Variants in QRSL1 observed in about 807,000 individuals in gnomAD.
QRSL1 encodes the protein glutamyl-tRNA(Gln) amidotransferase subunit A, mitochondrial.
Under a neutral mutation model 61.6 loss-of-function variants are expected in QRSL1, and 54 were observed. The ratio of observed to expected loss-of-function variants is 0.88; its 90% CI spans 0.70 to 1.10. The LOEUF is 1.10. Among genes scored for constraint, QRSL1 ranks in the 50% least tolerant of loss-of-function variants. The probability of loss-of-function intolerance (pLI) is 0.00; values close to 1 mark genes in which losing one functional copy is unlikely to be tolerated. For missense variants in QRSL1, 505 were observed against 622.6 expected (o/e 0.81, Z 2.01); for synonymous variants, 228 against 225.7 (o/e 1.01, Z -0.09).
At chr6:106,640,760 G>A in intron 2 of QRSL1, 63 bp from the exon 3 acceptor site, 1 of 1,363,352 alleles carries the variant, frequency 7.3e-7, no homozygotes, top group Non-Finnish European at 1.0e-6. Context: ...GTAATAACAT[G>A]TATTCATGTA....
intron 3 of QRSL1, 23 bp from the exon 4 acceptor site, chr6:106,642,971 A>T (rs375371976): frequency 2.7e-6 from 4 of 1,490,810 alleles, no homozygotes; most frequent in Non-Finnish European, 3.7e-6. Context: ...TAAAAAAAAT[A>T]ATAGTAACTA....
rs760043022 is a variant in QRSL1 at position 106,665,769 on chromosome 6, C to T, written c.1367-13C>T. On this transcript the variant is annotated splice_polypyrimidine_tract_variant and intron_variant, in intron 10 of 10. Coordinates refer to ENST00000369046, the MANE Select transcript of QRSL1 (RefSeq NM_018292.5). ...GAGAATTAATCACCTACTGGGTTTC[C>T]TTCTTTTCCCAGGATTGCCAGCAGT... is the stretch of plus-strand genomic sequence containing the variant. 1 of 1,612,272 alleles carries T rather than the reference C, an allele frequency of 6.2e-7. No homozygotes were observed. Among genetic ancestry groups the T allele is most frequent in the South Asian group, 1.1e-5 (1 of 91,032 alleles).
intron 1 of QRSL1, among the ~76,000 whole-genome samples, chr6:106,637,071 T>C (rs886663880): frequency 6.6e-6 from 1 of 152,244 alleles, no homozygotes; most frequent in Admixed American, 6.5e-5. Context: ...AAGGTGTTGC[T>C]AGGGCTAGAG....
chr6:106,642,575 A>G (rs1777038654), intron 3 of QRSL1: 1 of 741,230 alleles, frequency 1.3e-6, no homozygotes, highest in South Asian at 1.4e-5. Context: ...TGATGTGGAC[A>G]TCAAGGGAAT....
chr6:106,657,162 G>A (rs555207886), intron 9 of QRSL1, among the ~76,000 whole-genome samples: 4 of 152,102 alleles, frequency 2.6e-5, no homozygotes, highest in African/African-American at 7.2e-5. Flanking sequence ...CCAGCAACTC[G>A]AGAGACTGAG....
intron 9 of QRSL1, among the ~76,000 whole-genome samples, chr6:106,660,105 A>C (rs1777332316): frequency 1.4e-5 from 2 of 147,192 alleles, no homozygotes; most frequent in Admixed American, 6.8e-5. Flanking sequence ...CTTACCCCCC[A>C]CCCCACATAC....
chr6:106,639,755 T>C (rs2114701934), intron 1 of QRSL1, among the ~76,000 whole-genome samples: 1 of 152,300 alleles, frequency 6.6e-6, no homozygotes, highest in African/African-American at 2.4e-5. Flanking sequence ...GCAGTTTTTT[T>C]TTAACTCCTT....
At position 106,648,558 on chromosome 6, in the gene QRSL1, T is replaced by C. The variant is rs892368822; in HGVS notation, c.381-467T>C. ...ATAAAATGTTGACCGTAGGTATGTC[T>C]GGGTAAAGGGTATAAAGTGCTTTAT... On this transcript the variant is annotated intron_variant, in intron 4 of 10. Transcript: ENST00000369046. Among the ~76,000 whole-genome samples the C allele has an allele frequency of 3.3e-5, 5 of 152,328 alleles. No individual in the cohort carries two copies. In the South Asian group the frequency reaches 6.2e-4, roughly 19 times the overall value.
chr6:106,666,091 A>T lies in QRSL1; in HGVS notation c.*89A>T. 9.9e-7 allele frequency: 1 copy of T among 1,009,770 alleles called. No homozygotes were observed. The highest frequency in any genetic ancestry group is 1.5e-6 in the Non-Finnish European group (1 of 655,652). The allele number at this position is 1,009,770 out of a possible 1,614,324, so 62.6% of individuals were successfully genotyped here. A position where few individuals can be genotyped will look rare whatever the true frequency, so the allele number is the denominator to read the frequency against. On this transcript the variant is annotated 3_prime_UTR_variant, in exon 11 of 11. Transcript: ENST00000369046. ...CACTTTGGGAGGCCAAGGCGAGCGG[A>T]TCATGAGGTCAGAAGATCTAGAACA...
chr6:106,639,116 G>GTTTTTTTTT lies in QRSL1; in HGVS notation c.25-1231_25-1230insTTTTTTTTT, dbSNP rs1554200732. Among the ~76,000 whole-genome samples, 278 of 54,326 alleles carry GTTTTTTTTT rather than the reference G, an allele frequency of 5.1e-3. 20 individuals are homozygous for GTTTTTTTTT. The highest frequency in any genetic ancestry group is 0.026 in the East Asian group (66 of 2,518). The allele number at this position is 54,326 out of a possible 152,430, so 35.6% of individuals were successfully genotyped here. ...ACTTGTGTGGTTATTTGTGTGTTTT[G>GTTTTTTTTT]TTGTTTTTTTTTTTTTTTTTTTTTT... On this transcript the variant is annotated intron_variant, in intron 1 of 10. Transcript: ENST00000369046.
chr6:106,667,597 C>T lies in QRSL1; in HGVS notation c.*1595C>T, dbSNP rs375282647. The stretch of plus-strand genomic sequence containing the variant: ...AGAGAAAATAATGAGTCAGAATCAT[C>T]TGCAGAACCACTGGAATGTTTCATC... On this transcript the variant is annotated 3_prime_UTR_variant, in exon 11 of 11. Coordinates refer to ENST00000369046, the MANE Select transcript of QRSL1 (RefSeq NM_018292.5). 9.9e-5 allele frequency: 15 copies of T among 152,204 alleles called. No individual in the cohort carries two copies. In the East Asian group the frequency reaches 2.1e-3, roughly 22 times the overall value. 9.4% of individuals were successfully genotyped at this position (152,204 alleles called of 1,614,324 possible). A position where few individuals can be genotyped will look rare whatever the true frequency, so the allele number is the denominator to read the frequency against.
At position 106,663,147 on chromosome 6, in the gene QRSL1, C is replaced by T. The variant is rs1391907736; in HGVS notation, c.1328C>T (p.Ala443Val). ...AAAGAGGACAACAGAACCCGAAGTG[C>T]CCAGGATGATATTTTTACACAAGCT... ...FIKEDNRTRSAQDDIFTQAVN... is the reference protein window; with the variant it reads ...FIKEDNRTRSVQDDIFTQAVN... Residue 443 changes from alanine to valine, a missense_variant, in exon 10 of 11, where the codon GCC becomes GTC. Transcript: ENST00000369046. The T allele has an allele frequency of 6.2e-7, 1 of 1,613,992 alleles. No homozygotes were observed. The highest frequency in any genetic ancestry group is 8.5e-7 in the Non-Finnish European group (1 of 1,180,006).
chr6:106,653,716 T>C (rs990406743), intron 7 of QRSL1: 2 of 150,564 alleles, frequency 1.3e-5, no homozygotes, highest in Non-Finnish European at 2.9e-5. Context: ...CCTAGCTGTT[T>C]GGGAGGCTGA....
At chr6:106,658,680 G>GT (rs1165730728) in intron 9 of QRSL1, among the ~76,000 whole-genome samples, 11 of 152,220 alleles carry the variant, frequency 7.2e-5, no homozygotes, top group African/African-American at 2.6e-4. Flanking sequence ...TGTATATGAT[G>GT]TATCTTTTTT....
intron 10 of QRSL1, among the ~76,000 whole-genome samples, chr6:106,665,234 T>C (rs1057037346): frequency 1.2e-4 from 19 of 152,242 alleles, no homozygotes; most frequent in African/African-American, 4.3e-4. Flanking sequence ...TACCCTGAGC[T>C]AATTTCTCAT....
At chr6:106,665,696 G>T in intron 10 of QRSL1, 86 bp from the exon 11 acceptor site, 1 of 1,120,636 alleles carries the variant, frequency 8.9e-7, no homozygotes, top group Non-Finnish European at 1.4e-6. Context: ...ATCCTGTATT[G>T]TACTTATTAG....
intron 8 of QRSL1, 68 bp downstream of exon 8, chr6:106,654,990 T>C (rs1426486180): frequency 3.6e-6 from 5 of 1,392,488 alleles, no homozygotes; most frequent in Non-Finnish European, 4.9e-6. Context: ...CACTTATTAG[T>C]GACAAAAAAG....
intron 5 of QRSL1, among the ~76,000 whole-genome samples, chr6:106,650,900 G>A (rs1018760171): frequency 2.6e-5 from 4 of 152,122 alleles, no homozygotes; most frequent in Non-Finnish European, 2.9e-5. Flanking sequence ...GATATGTACT[G>A]TTCTACAGCA....
intron 9 of QRSL1, among the ~76,000 whole-genome samples, chr6:106,659,310 C>G (rs1777318859): frequency 6.6e-6 from 1 of 151,926 alleles, no homozygotes; most frequent in East Asian, 1.9e-4. Flanking sequence ...ACTAAAAATA[C>G]AAAAATTAGC....
Sources: allele counts gnomAD v4.1 joint callset (sites outside exome capture counted in the v4.1 genomes callset), GRCh38; gene constraint gnomAD v4.1.1; transcripts MANE v1.5; gene names NCBI Gene and HGNC (gene_info 2026-07-23, HGNC 2026-07-21).